The following HLA-DRB1 variants were observed in gnomAD, a reference collection of about 807,000 sequenced individuals.
HLA-DRB1 encodes major histocompatibility complex, class II, DR beta 1 precursor.
A neutral mutation model predicts 27.9 loss-of-function variants in HLA-DRB1; 10 were observed. The observed-to-expected ratio is 0.36, with a 90% CI of 0.22 to 0.61. HLA-DRB1 has a LOEUF of 0.61. HLA-DRB1 is among the 20% of genes least tolerant of loss of function. HLA-DRB1 has a pLI of 0.73. For synonymous variants in HLA-DRB1, 57 were observed against 126.7 expected, an observed-to-expected ratio of 0.45 and a Z score of 3.69; for missense variants, 118 against 306.3, an observed-to-expected ratio of 0.39 and a Z score of 4.59.
At chr6:32,586,131 T>TA (rs1776346541) in intron 1 of HLA-DRB1, among the ~76,000 whole-genome samples, 1 of 39,128 alleles carries the variant, frequency 2.6e-5, no homozygotes, top group Non-Finnish European at 5.4e-5. Context: ...ACAGGGGCTC[T>TA]CCGTATTTCC....
chr6:32,581,344 T>C (rs9269791), intron 3 of HLA-DRB1, among the ~76,000 whole-genome samples: 22,654 of 55,402 alleles, frequency 0.41, 7,529 homozygotes, highest in East Asian at 0.56. Flanking sequence ...AGAGGGACAG[T>C]CTCTCCCGCC....
intron 1 of HLA-DRB1, among the ~76,000 whole-genome samples, chr6:32,588,645 C>A (rs34388142): frequency 1.6e-5 from 1 of 62,310 alleles, no homozygotes. Context: ...GACAAGACCC[C>A]AGTAAGACAA....
At chr6:32,581,205 T>C (rs41288049) in intron 3 of HLA-DRB1, among the ~76,000 whole-genome samples, 13,011 of 65,700 alleles carry the variant, frequency 0.2, 2,773 homozygotes, top group African/African-American at 0.27. Flanking sequence ...CCTACACTTC[T>C]CCTCTTCCCA....
At chr6:32,588,803 C>T (rs9270216) in intron 1 of HLA-DRB1, among the ~76,000 whole-genome samples, 891 of 71,402 alleles carry the variant, frequency 0.012, no homozygotes, top group Middle Eastern at 0.056. Flanking sequence ...AATAGAATTT[C>T]ATATAATTTA....
At chr6:32,585,532 T>G (rs78846716) in intron 1 of HLA-DRB1, among the ~76,000 whole-genome samples, 14,929 of 72,196 alleles carry the variant, frequency 0.21, 1,051 homozygotes, top group Admixed American at 0.22. Flanking sequence ...CATTCCCATT[T>G]TAACTTTTCT....
chr6:32,583,757 A>AC (rs145506854), intron 2 of HLA-DRB1, among the ~76,000 whole-genome samples: 21,128 of 49,068 alleles, frequency 0.43, 7,990 homozygotes, highest in Admixed American at 0.51. Context: ...ATCTCTAAGG[A>AC]CCGAGATAAT....
At chr6:32,580,942 GGGCA>G in intron 3 of HLA-DRB1, 86 bp from the exon 4 acceptor site, 30 of 908,422 alleles carry the variant, frequency 3.3e-5, no homozygotes, top group Non-Finnish European at 4.2e-5. Flanking sequence ...TTTGAAAATG[GGGCA>G]GAAAGCTGCC....
chr6:32,580,660 CAT>C, intron 4 of HLA-DRB1, 84 bp downstream of exon 4: 3 of 1,143,370 alleles, frequency 2.6e-6, no homozygotes, highest in Non-Finnish European at 3.8e-6. Context: ...CAGGGCCACT[CAT>C]ATACTGAGAA....
At chr6:32,589,833 T>C (rs1353905467) in exon 1 of HLA-DRB1, 29,060 of 288,810 alleles carry the variant, frequency 0.1, 94 homozygotes, top group East Asian at 0.14. Flanking sequence ...TTCCAAGTTA[T>C]AGGGAGGAAG....
At chr6:32,586,331 G>T (rs35406793) in intron 1 of HLA-DRB1, among the ~76,000 whole-genome samples, 9 of 90,702 alleles carry the variant, frequency 9.9e-5, no homozygotes, top group Admixed American at 6.5e-4. Context: ...GTCCAATCCA[G>T]TTTCCTACCT....
chr6:32,582,615 A>G (rs34459625), intron 2 of HLA-DRB1, among the ~76,000 whole-genome samples: 32 of 96,968 alleles, frequency 3.3e-4, no homozygotes, highest in African/African-American at 7.6e-4. Flanking sequence ...ACTTTCCTAG[A>G]AAAGCATGAG....
chr6:32,588,975 A>G (rs72844255), intron 1 of HLA-DRB1, among the ~76,000 whole-genome samples: 16,039 of 87,316 alleles, frequency 0.18, 1,522 homozygotes, highest in African/African-American at 0.21. Flanking sequence ...TACCTCATAA[A>G]TGCTCTGTAT....
At chr6:32,587,683 G>A (rs9270158) in intron 1 of HLA-DRB1, among the ~76,000 whole-genome samples, 45,344 of 78,848 alleles carry the variant, frequency 0.58, 15,890 homozygotes, top group Middle Eastern at 0.75. Flanking sequence ...TTTCTCAGGT[G>A]GAGCTCCCTA....
In HLA-DRB1 at chr6:32,587,832, T is replaced by C. The variant is rs1178734161; in HGVS notation, c.100+1811A>G. Among the ~76,000 whole-genome samples, 655 of 52,998 alleles carry C rather than the reference T, an allele frequency of 0.012. 54 individuals are homozygous for C. The East Asian group carries it at 0.14, about 12-fold the overall frequency. The allele number at this position is 52,998 out of a possible 152,430, so 34.8% of individuals were successfully genotyped here. A position where few individuals can be genotyped will look rare whatever the true frequency, so the allele number is the denominator to read the frequency against. On this transcript the variant is annotated intron_variant, in intron 1 of 5. Transcript: ENST00000360004. The stretch of plus-strand genomic sequence containing the variant: ...TTAGTGTCTGTCTCCTCTACTCTTG[T>C]GTAACTTCCATGAGAGTAGGGACGC...
intron 2 of HLA-DRB1, among the ~76,000 whole-genome samples, chr6:32,582,276 T>G (rs150467803): frequency 5.9e-4 from 74 of 125,622 alleles, no homozygotes; most frequent in Middle Eastern, 4.6e-3. Flanking sequence ...TGGGGTTATA[T>G]GAGGATTAAT....
intron 1 of HLA-DRB1, among the ~76,000 whole-genome samples, chr6:32,584,865 T>G (rs9269992): frequency 0.43 from 38,495 of 89,996 alleles, 6,847 homozygotes; most frequent in Middle Eastern, 0.58. Flanking sequence ...TCTCCACTCC[T>G]CTGGGGGAGC....
chr6:32,589,332 A>T (rs199526939), intron 1 of HLA-DRB1, among the ~76,000 whole-genome samples: 1,106 of 126,730 alleles, frequency 8.7e-3, no homozygotes, highest in Middle Eastern at 0.058. Context: ...GAAGTGCTGT[A>T]TGGGGAATTT....
chr6:32,579,249 C>T, intron 5 of HLA-DRB1, 145 bp from the exon 6 acceptor site: 1 of 194,578 alleles, frequency 5.1e-6, no homozygotes, highest in Non-Finnish European at 8.5e-6. Context: ...TCCCGCAGAG[C>T]ACACCTTTTC....
chr6:32,586,024 G>A (rs35252757), intron 1 of HLA-DRB1, among the ~76,000 whole-genome samples: 13,464 of 116,356 alleles, frequency 0.12, 1,798 homozygotes, highest in Non-Finnish European at 0.12. Context: ...GTAATAACTG[G>A]TATATGCTAT....
Sources: gnomAD v4.1 joint callset for allele counts (sites outside exome capture counted in the v4.1 genomes callset) on GRCh38, gnomAD v4.1.1 for gene constraint, MANE v1.5 for transcripts, NCBI Gene and HGNC (gene_info 2026-07-23, HGNC 2026-07-21) for gene names.